Variants in PAX2 observed in about 807,000 individuals in gnomAD.
PAX2 encodes paired box protein Pax-2.
PAX2 carries 9 observed loss-of-function variants against 41.7 expected under a neutral mutation model. The ratio of observed to expected loss-of-function variants is 0.22; its 90% CI spans 0.13 to 0.38. The LOEUF is 0.38. Ranked by LOEUF, PAX2 falls within the 10% of genes least tolerant of loss-of-function variation. The pLI, the probability that PAX2 is intolerant of heterozygous loss-of-function variation, is 1.00. For synonymous variants in PAX2, 221 were observed against 212.7 expected, an observed-to-expected ratio of 1.04 and a Z score of -0.34; for missense variants, 418 against 531.6, an observed-to-expected ratio of 0.79 and a Z score of 2.10.
rs1848650825 is a variant in PAX2 at position 100,828,028 on chromosome 10, GA to G, written c.*410del. On this transcript the variant is annotated 3_prime_UTR_variant, in exon 10 of 10. Transcript: ENST00000355243. This position sits in a 1 kb window ranked among gnomAD's most constrained non-coding sequence, Gnocchi z 6.5. Reference sequence around the variant, plus strand: ...GTTTCTGTGACACACAATCAGCGCGGACCGCAGCGCGGCCCAGCCCCGGGCA... The same window carrying G: ...GTTTCTGTGACACACAATCAGCGCGGCCGCAGCGCGGCCCAGCCCCGGGCA... The G allele has an allele frequency of 7.8e-6, 2 of 254,798 alleles. No homozygotes were observed. The highest frequency in any genetic ancestry group is 1.5e-5 in the Non-Finnish European group (2 of 134,860). 15.8% of individuals were successfully genotyped at this position (254,798 alleles called of 1,614,324 possible).
At chr10:100,766,351 G>A (rs1325153575) in intron 3 of PAX2, among the ~76,000 whole-genome samples, 2 of 152,216 alleles carry the variant, frequency 1.3e-5, no homozygotes. Flanking sequence ...CCTCAGTGCA[G>A]GCCACTGCTG....
At chr10:100,736,071 C>T (rs562371668) in intron 1 of PAX2, among the ~76,000 whole-genome samples, 1 of 152,312 alleles carries the variant, frequency 6.6e-6, no homozygotes, top group East Asian at 1.9e-4. Flanking sequence ...AAGTTGGGAG[C>T]ATTGGGAAGG....
intron 5 of PAX2, among the ~76,000 whole-genome samples, chr10:100,801,108 C>T (rs1276747590): frequency 1.3e-5 from 2 of 152,156 alleles, no homozygotes; most frequent in Admixed American, 1.3e-4. Flanking sequence ...CAGGCAGCCA[C>T]TCTGTCCGTC....
chr10:100,805,691 G>C (rs908223117), intron 5 of PAX2, among the ~76,000 whole-genome samples: 8 of 152,238 alleles, frequency 5.3e-5, no homozygotes, highest in African/African-American at 1.9e-4. Flanking sequence ...ACTGGCTCCT[G>C]TAGGAGGCTT....
At chr10:100,769,702 T>G (rs1278218055) in intron 3 of PAX2, among the ~76,000 whole-genome samples, 1 of 150,396 alleles carries the variant, frequency 6.6e-6, no homozygotes, top group Non-Finnish European at 1.5e-5. Flanking sequence ...AAGAGTATAT[T>G]ATTGTTATTA....
At chr10:100,776,904 A>C (rs1471239711) in intron 3 of PAX2, among the ~76,000 whole-genome samples, 6 of 152,224 alleles carry the variant, frequency 3.9e-5, no homozygotes, top group African/African-American at 1.4e-4. Flanking sequence ...CCAGCTCCCT[A>C]TCGCCTCATG....
Position 100,749,910 on chromosome 10 carries a change from G to A in PAX2, c.208G>A (p.Gly70Ser). The change falls in exon 2 of 10, where the codon GGC becomes AGC. Residue 70 changes from glycine (G) to serine (S), a missense_variant. Gly to Ser is a moderately conservative substitution (Grantham distance 56). Around this residue, in one of 2 missense-constraint regions of PAX2, gnomAD observed 108 missense variants for 206.3 expected, o/e 0.52. Transcript: ENST00000355243. ...VSHGCVSKIL[G>S]RYYETGSIKP... The stretch of plus-strand genomic sequence containing the variant: ...CCACGGCTGTGTCAGCAAAATCCTG[G>A]GCAGGTGAGGGCTTCGCAGCTGTCC... 1 of 1,611,920 alleles carries A rather than the reference G, an allele frequency of 6.2e-7. No individual in the cohort carries two copies. The highest frequency in any genetic ancestry group is 8.5e-7 in the Non-Finnish European group (1 of 1,179,832).
chr10:100,821,035 T>C (rs1848365376), intron 7 of PAX2, among the ~76,000 whole-genome samples: 1 of 152,236 alleles, frequency 6.6e-6, no homozygotes, highest in South Asian at 2.1e-4. Flanking sequence ...CCATCTATAG[T>C]ACAGCAAGGC....
At chr10:100,753,737 A>C (rs995605596) in intron 3 of PAX2, among the ~76,000 whole-genome samples, 2 of 152,236 alleles carry the variant, frequency 1.3e-5, no homozygotes, top group African/African-American at 4.8e-5. Flanking sequence ...CTGTCGCCAC[A>C]CTTGAAATAT....
At chr10:100,814,351 CAAAAAAAAA>C (rs11458573) in intron 7 of PAX2, among the ~76,000 whole-genome samples, 1 of 53,728 alleles carries the variant, frequency 1.9e-5, no homozygotes. Flanking sequence ...GACTCCATCT[CAAAAAAAAA>C]AAAAAAAAAA....
intron 4 of PAX2, among the ~76,000 whole-genome samples, 165 bp downstream of exon 4, chr10:100,779,748 T>C (rs1846538544): frequency 6.6e-6 from 1 of 152,158 alleles, no homozygotes; most frequent in Non-Finnish European, 1.5e-5. Flanking sequence ...TCCTGAGAGA[T>C]ACTGGTTCTC....
chr10:100,801,369 A>G (rs1847557775), intron 5 of PAX2, among the ~76,000 whole-genome samples: 1 of 152,268 alleles, frequency 6.6e-6, no homozygotes, highest in Non-Finnish European at 1.5e-5. Flanking sequence ...AGAAGACAAT[A>G]TGAGCTTTGT....
Position 100,748,989 on chromosome 10 carries a change from G to A in PAX2, c.44-757G>A, listed in dbSNP as rs140715254. On this transcript the variant is annotated intron_variant, in intron 1 of 9. Coordinates refer to ENST00000355243, the MANE Select transcript of PAX2 (RefSeq NM_000278.5). This position sits in a 1 kb window ranked among gnomAD's most constrained non-coding sequence, Gnocchi z 5.0. ...CATTCTCTGCCTGCTGCCTGGAGCC[G>A]CTCTGCCTCCCTGTCTCTGAGCGCA... 5.6e-4 allele frequency: 550 copies of A among 985,438 alleles called. 10 individuals carry two copies. The East Asian group carries it at 0.028, about 50-fold the overall frequency. The allele number at this position is 985,438 out of a possible 1,614,324, so 61.0% of individuals were successfully genotyped here. A position where few individuals can be genotyped will look rare whatever the true frequency, so the allele number is the denominator to read the frequency against.
At chr10:100,740,164 C>T (rs1844902841) in intron 1 of PAX2, among the ~76,000 whole-genome samples, 1 of 152,222 alleles carries the variant, frequency 6.6e-6, no homozygotes, top group South Asian at 2.1e-4. Flanking sequence ...ACGGGATTTC[C>T]TTCCCTAGGT....
chr10:100,795,291 T>C (rs1321526397), intron 5 of PAX2, among the ~76,000 whole-genome samples: 1 of 152,144 alleles, frequency 6.6e-6, no homozygotes, highest in Non-Finnish European at 1.5e-5. Context: ...TTTACAAAGG[T>C]AAATAGGACA....
intron 7 of PAX2, among the ~76,000 whole-genome samples, chr10:100,822,835 T>C (rs1848416714): frequency 6.6e-6 from 1 of 152,108 alleles, no homozygotes; most frequent in African/African-American, 2.4e-5. Context: ...TTAAGTTGGA[T>C]GGAGAGAGTA....
In PAX2 at chr10:100,748,460, G is replaced by A. The variant is rs1028351050; in HGVS notation, c.44-1286G>A. ...AAGGGAGGGGAGAGAAATGAGGGGG[G>A]CACAGATGTCCCCGCTTTCTCCGAA... is the stretch of plus-strand genomic sequence containing the variant. On this transcript the variant is annotated intron_variant, in intron 1 of 9. Transcript: ENST00000355243. The surrounding 1 kb of genome is among the most constrained non-coding windows in gnomAD (Gnocchi z 5.0). 2.7e-4 allele frequency: 264 copies of A among 985,062 alleles called. No homozygotes were observed. Among genetic ancestry groups the A allele is most frequent in the Non-Finnish European group, 3.1e-4 (259 of 829,838 alleles). 61.0% of individuals were successfully genotyped at this position (985,062 alleles called of 1,614,324 possible).
In PAX2 at chr10:100,788,808, A is replaced by G. The variant is rs555642889; in HGVS notation, c.616+7443A>G. Among the ~76,000 whole-genome samples the G allele has an allele frequency of 5.1e-4, 78 of 152,274 alleles. 1 individual carries two copies. The South Asian group carries it at 0.016, about 31-fold the overall frequency. On this transcript the variant is annotated intron_variant, in intron 5 of 9. Transcript: ENST00000355243. ...GAGGTTGCACCATATTGGGTAAACA[A>G]AAACCCAGCACTTGGATACAATTAT...
chr10:100,799,214 C>G (rs1379650091), intron 5 of PAX2, among the ~76,000 whole-genome samples: 1 of 152,190 alleles, frequency 6.6e-6, no homozygotes, highest in Non-Finnish European at 1.5e-5. Context: ...CCCTTGAGGC[C>G]CAAGGCCCAT....
Sources: gnomAD v4.1 joint callset for allele counts (sites outside exome capture counted in the v4.1 genomes callset) on GRCh38, gnomAD v4.1.1 for gene constraint, gnomAD v4.1.1 regional missense constraint, Gnocchi (gnomAD v3.1) non-coding constraint, MANE v1.5 for transcripts, NCBI Gene and HGNC (gene_info 2026-07-23, HGNC 2026-07-21) for gene names.